Variants in CRISPLD2 observed in about 807,000 individuals in gnomAD.
CRISPLD2 encodes cysteine rich secretory protein LCCL domain containing 2.
CRISPLD2 carries 47 observed loss-of-function variants against 71.1 expected under a neutral mutation model. The ratio of observed to expected loss-of-function variants is 0.66; its 90% CI spans 0.52 to 0.84. The LOEUF (loss-of-function observed/expected upper bound fraction) is 0.84, where lower values mean the gene tolerates loss of function less well. Ranked by LOEUF, CRISPLD2 falls within the 40% of genes least tolerant of loss-of-function variation. CRISPLD2 has a pLI of 0.00. For synonymous variants in CRISPLD2, 317 were observed against 250.1 expected, an observed-to-expected ratio of 1.27 and a Z score of -2.52; for missense variants, 830 against 651.1, an observed-to-expected ratio of 1.27 and a Z score of -2.99.
intron 6 of CRISPLD2, among the ~76,000 whole-genome samples, chr16:84,864,623 C>T (rs1420216684): frequency 1.3e-5 from 2 of 152,224 alleles, no homozygotes; most frequent in Non-Finnish European, 2.9e-5. Flanking sequence ...TGTCTTTAAG[C>T]TCTGTTGCTG....
intron 14 of CRISPLD2, among the ~76,000 whole-genome samples, chr16:84,897,831 G>C (rs1047931083): frequency 6.6e-6 from 1 of 152,214 alleles, no homozygotes; most frequent in African/African-American, 2.4e-5. Context: ...TGGCCAGGCT[G>C]GTCTCGAACC....
intron 13 of CRISPLD2, among the ~76,000 whole-genome samples, chr16:84,886,689 G>A (rs183056911): frequency 3.9e-5 from 6 of 152,276 alleles, no homozygotes; most frequent in African/African-American, 1.4e-4. Flanking sequence ...CAGGCGTGGT[G>A]GCGCATGCCT....
intron 8 of CRISPLD2, among the ~76,000 whole-genome samples, chr16:84,871,960 A>G (rs1597470290): frequency 6.6e-6 from 1 of 151,922 alleles, no homozygotes; most frequent in Non-Finnish European, 1.5e-5. Context: ...CCAACCTCAA[A>G]TTCAACCAAC....
intron 14 of CRISPLD2, among the ~76,000 whole-genome samples, chr16:84,896,247 C>T (rs1433966480): frequency 1.3e-5 from 2 of 151,994 alleles, no homozygotes; most frequent in African/African-American, 4.8e-5. Flanking sequence ...TGGGATTTCA[C>T]CATGTTGGCC....
intron 8 of CRISPLD2, among the ~76,000 whole-genome samples, chr16:84,870,501 G>C (rs992797048): frequency 6.6e-6 from 1 of 151,856 alleles, no homozygotes; most frequent in South Asian, 2.1e-4. Flanking sequence ...TTGTATTTTT[G>C]GTAGAGATGG....
chr16:84,889,364 GT>G lies in CRISPLD2; in HGVS notation c.1439+2del. 1 of 1,608,640 alleles carries G rather than the reference GT, an allele frequency of 6.2e-7. No individual in the cohort carries two copies. Among genetic ancestry groups the G allele is most frequent in the Non-Finnish European group, 8.5e-7 (1 of 1,176,446 alleles). ...TCAGGAATGGAGTTCAGTCTGAAAG[GT>G]AGGGTGGTGTTCTCCAACCCTTGAC... On this transcript the variant is annotated splice_donor_variant, in intron 14 of 14. Coordinates refer to ENST00000262424, the MANE Select transcript of CRISPLD2 (RefSeq NM_031476.4). LOFTEE classifies it high-confidence loss of function.
intron 9 of CRISPLD2, 62 bp downstream of exon 9, chr16:84,872,570 C>CCAACCACCTGCTTTAA: frequency 7.1e-7 from 1 of 1,415,456 alleles, no homozygotes; most frequent in Non-Finnish European, 9.8e-7. Context: ...ATGTTTAAAG[C>CCAACCACCTGCTTTAA]AGGTGGTTGG....
intron 2 of CRISPLD2, chr16:84,839,079 G>A (rs189510634): frequency 7.6e-6 from 3 of 394,892 alleles, no homozygotes; most frequent in South Asian, 2.0e-5. Context: ...GGAGATGGGG[G>A]TCTTGCTACG....
At position 84,902,332 on chromosome 16, in the gene CRISPLD2, G is replaced by A. The variant is rs111764235; in HGVS notation, c.1440-4256G>A. 3.9e-3 allele frequency among the ~76,000 whole-genome samples: 591 copies of A among 151,998 alleles called. 2 individuals carry two copies. Among genetic ancestry groups the A allele is most frequent in the African/African-American group, 0.013 (552 of 41,508 alleles). ...AGAGAGTACAAACGATGAACAGGCC[G>A]GGCGCAGTGGCTCACGCCTGTAATT... On this transcript the variant is annotated intron_variant, in intron 14 of 14. Coordinates refer to ENST00000262424, the MANE Select transcript of CRISPLD2 (RefSeq NM_031476.4).
chr16:84,905,034 A>G (rs1278840247), intron 14 of CRISPLD2, among the ~76,000 whole-genome samples: 1 of 151,996 alleles, frequency 6.6e-6, no homozygotes, highest in Non-Finnish European at 1.5e-5. Context: ...TAATCCCAGC[A>G]CTTTGGGAGG....
chr16:84,898,301 C>T (rs1177488837), intron 14 of CRISPLD2, among the ~76,000 whole-genome samples: 1 of 152,184 alleles, frequency 6.6e-6, no homozygotes, highest in Non-Finnish European at 1.5e-5. Context: ...CAGTGGCTTT[C>T]CATTGTACTA....
chr16:84,898,975 A>C (rs73255431), intron 14 of CRISPLD2, among the ~76,000 whole-genome samples: 1 of 151,996 alleles, frequency 6.6e-6, no homozygotes, highest in Non-Finnish European at 1.5e-5. Flanking sequence ...TGATTGCACC[A>C]TTGCACTCCT....
rs1476491259 is a variant in CRISPLD2 at position 84,849,523 on chromosome 16, TC to T, written c.492+7del. The T allele has an allele frequency of 1.9e-6, 3 of 1,613,504 alleles. No homozygotes were observed. The East Asian group carries it at 6.7e-5, about 36-fold the overall frequency. On this transcript the variant is annotated splice_region_variant and intron_variant, in intron 4 of 14. Coordinates refer to ENST00000262424, the MANE Select transcript of CRISPLD2 (RefSeq NM_031476.4). ...TGTGCACGCACTACACACAGGTAAC[TC>T]GGGGACTTGCCACGACCTCAGCCCT...
chr16:84,844,207 G>T (rs1916850265), intron 2 of CRISPLD2, among the ~76,000 whole-genome samples: 1 of 152,244 alleles, frequency 6.6e-6, no homozygotes, highest in Non-Finnish European at 1.5e-5. Flanking sequence ...CAGGAGTCAT[G>T]TGTGTTCCTG....
Position 84,854,813 on chromosome 16 carries a change from C to T in CRISPLD2, c.693C>T (p.Asn231=), listed in dbSNP as rs1029752944. 5 of 1,613,902 alleles carry T rather than the reference C, an allele frequency of 3.1e-6. No homozygotes were observed. Among genetic ancestry groups the T allele is most frequent in the South Asian group, 1.1e-5 (1 of 91,076 alleles). The change falls in exon 6 of 15, where the codon AAC becomes AAT. Residue 231 remains asparagine, a synonymous_variant. Coordinates refer to ENST00000262424, the MANE Select transcript of CRISPLD2 (RefSeq NM_031476.4). ...CPPSYGGSCR[N]NLCYREETYT... ...CCAGCTATGGAGGCAGCTGCAGGAACAACTTGTGTTACCGAGGTAGGAAAT... is the reference window on the plus strand; with the variant it reads ...CCAGCTATGGAGGCAGCTGCAGGAATAACTTGTGTTACCGAGGTAGGAAAT...
Position 84,889,752 on chromosome 16 carries a change from T to TTGTGTG in CRISPLD2, c.1439+422_1439+427dup, listed in dbSNP as rs60555979. Among the ~76,000 whole-genome samples the TTGTGTG allele has an allele frequency of 4.7e-3, 655 of 139,302 alleles. 3 individuals carry two copies. Among genetic ancestry groups the TTGTGTG allele is most frequent in the South Asian group, 0.024 (101 of 4,260 alleles). 91.4% of individuals were successfully genotyped at this position (139,302 alleles called of 152,430 possible). Reference sequence around the variant, plus strand: ...CGTGCGTCCTTCCGGTTGTTTTTCTTTGTGTGTGTGTGTGTGTGTGTGTGT... The same window carrying TTGTGTG: ...CGTGCGTCCTTCCGGTTGTTTTTCTTTGTGTGTGTGTGTGTGTGTGTGTGTGTGTGT... On this transcript the variant is annotated intron_variant, in intron 14 of 14. Coordinates refer to ENST00000262424, the MANE Select transcript of CRISPLD2 (RefSeq NM_031476.4).
At chr16:84,849,866 C>G (rs567439312) in intron 4 of CRISPLD2, among the ~76,000 whole-genome samples, 1 of 149,170 alleles carries the variant, frequency 6.7e-6, no homozygotes, top group African/African-American at 2.5e-5. Context: ...TACAGTTGTG[C>G]ACTACGAGGC....
chr16:84,850,669 C>G lies in CRISPLD2; in HGVS notation c.594C>G (p.Cys198Trp). Reference sequence around the variant, plus strand: ...GGGAGAACGCGGTCTACTTTGTCTGCAATTATTCTCCAAAGTAAGACAAGT... The same window carrying G: ...GGGAGAACGCGGTCTACTTTGTCTGGAATTATTCTCCAAAGTAAGACAAGT... ...EVWENAVYFV[C>W]NYSPKGNWIG... The change falls in exon 5 of 15, where the codon TGC becomes TGG. Residue 198 changes from cysteine (C) to tryptophan (W), a missense_variant. Physicochemically the swap from Cys to Trp is radical, Grantham distance 215 (BLOSUM62 -2). Transcript: ENST00000262424. The G allele has an allele frequency of 6.2e-7, 1 of 1,613,280 alleles. No individual in the cohort carries two copies. Among genetic ancestry groups the G allele is most frequent in the Non-Finnish European group, 8.5e-7 (1 of 1,179,260 alleles).
At chr16:84,832,123 A>G (rs946732831) in intron 1 of CRISPLD2, among the ~76,000 whole-genome samples, 2 of 152,388 alleles carry the variant, frequency 1.3e-5, no homozygotes, top group Non-Finnish European at 2.9e-5. Context: ...ATTCCACATT[A>G]TTCACTCCAG....
Sources: allele counts gnomAD v4.1 joint callset (sites outside exome capture counted in the v4.1 genomes callset), GRCh38; gene constraint gnomAD v4.1.1; transcripts MANE v1.5; gene names NCBI Gene and HGNC (gene_info 2026-07-23, HGNC 2026-07-21).